Variants in EPHA7 observed in about 807,000 individuals in gnomAD.
The protein encoded by EPHA7 is ephrin type-A receptor 7.
EPHA7 carries 25 observed loss-of-function variants against 112.6 expected under a neutral mutation model. That is an observed-to-expected ratio of 0.22 (90% CI 0.16 to 0.31). The LOEUF (loss-of-function observed/expected upper bound fraction) is 0.31. Among genes scored for constraint, EPHA7 ranks in the 10% least tolerant of loss-of-function variants. The pLI, the probability that EPHA7 is intolerant of heterozygous loss-of-function variation, is 1.00. For missense variants in EPHA7, 962 were observed against 1,212.6 expected, an observed-to-expected ratio of 0.79 and a Z score of 3.07; for synonymous variants, 437 against 406.5, an observed-to-expected ratio of 1.07 and a Z score of -0.90.
At chr6:93,270,493 G>T (rs1321584990) in intron 6 of EPHA7, among the ~76,000 whole-genome samples, 1 of 151,382 alleles carries the variant, frequency 6.6e-6, no homozygotes, top group African/African-American at 2.4e-5. Context: ...AATCTTCCTT[G>T]ATATGATTCT....
At chr6:93,365,272 C>G (rs1425980487) in intron 3 of EPHA7, among the ~76,000 whole-genome samples, 4 of 152,172 alleles carry the variant, frequency 2.6e-5, no homozygotes, top group Non-Finnish European at 4.4e-5. Flanking sequence ...GTAGATTGTT[C>G]TGTAATTGAA....
intron 5 of EPHA7, among the ~76,000 whole-genome samples, chr6:93,347,687 C>G (rs1775470325): frequency 6.6e-6 from 1 of 151,810 alleles, no homozygotes; most frequent in Non-Finnish European, 1.5e-5. Context: ...CAAGGTCCAA[C>G]AGATTTCAGT....
intron 5 of EPHA7, among the ~76,000 whole-genome samples, chr6:93,331,077 C>T (rs1244018128): frequency 6.6e-6 from 1 of 151,262 alleles, no homozygotes; most frequent in Non-Finnish European, 1.5e-5. Flanking sequence ...AAACTAATGG[C>T]TATTTGGAGA....
intron 14 of EPHA7, among the ~76,000 whole-genome samples, chr6:93,250,195 T>A (rs915969439): frequency 6.6e-6 from 1 of 152,100 alleles, no homozygotes; most frequent in African/African-American, 2.4e-5. Flanking sequence ...CTCTTCGACC[T>A]TATAGAGCAG....
At chr6:93,324,188 A>T (rs1460886157) in intron 5 of EPHA7, among the ~76,000 whole-genome samples, 2 of 150,260 alleles carry the variant, frequency 1.3e-5, no homozygotes, top group Non-Finnish European at 1.5e-5. Context: ...AATCTGCATT[A>T]AGTTAGTCCT....
At position 93,242,472 on chromosome 6, in the gene EPHA7, T is replaced by C; in HGVS notation, c.*954A>G. Reference sequence around the variant, plus strand: ...TCCTAATGTCACGAGAATGAAAAAATCTTGATGTGCTCAGATTAATTTTTA... The same window carrying C: ...TCCTAATGTCACGAGAATGAAAAAACCTTGATGTGCTCAGATTAATTTTTA... On this transcript the variant is annotated 3_prime_UTR_variant, in exon 17 of 17. Coordinates refer to ENST00000369303, the MANE Select transcript of EPHA7 (RefSeq NM_004440.4). The C allele has an allele frequency of 5.1e-6, 1 of 197,208 alleles. No individual in the cohort carries two copies. Among genetic ancestry groups the C allele is most frequent in the Non-Finnish European group, 1.1e-5 (1 of 94,892 alleles). 12.2% of individuals were successfully genotyped at this position (197,208 alleles called of 1,614,324 possible).
intron 5 of EPHA7, among the ~76,000 whole-genome samples, chr6:93,311,410 T>G (rs1357683103): frequency 6.6e-6 from 1 of 152,160 alleles, no homozygotes; most frequent in African/African-American, 2.4e-5. Flanking sequence ...AGAGTCTCCA[T>G]GAAGACAATA....
chr6:93,372,097 A>T (rs1486931015), intron 3 of EPHA7, among the ~76,000 whole-genome samples: 2 of 152,184 alleles, frequency 1.3e-5, no homozygotes, highest in African/African-American at 4.8e-5. Context: ...ATCTAAATAA[A>T]CAGAATATCT....
Position 93,287,094 on chromosome 6 carries a change from G to C in EPHA7, c.1325-14672C>G, listed in dbSNP as rs143280014. ...GGCACTTAGTATATGCTAAATAAAC[G>C]AATAATGGTGTGACACTACAAATTA... On this transcript the variant is annotated intron_variant, in intron 5 of 16. Transcript: ENST00000369303. Among the ~76,000 whole-genome samples, 43 of 152,168 alleles carry C rather than the reference G, an allele frequency of 2.8e-4. 2 individuals carry two copies. The highest frequency in any genetic ancestry group is 9.9e-4 in the African/African-American group (41 of 41,516).
chr6:93,336,744 T>C (rs879801709), intron 5 of EPHA7, among the ~76,000 whole-genome samples: 2 of 152,004 alleles, frequency 1.3e-5, no homozygotes, highest in Non-Finnish European at 2.9e-5. Flanking sequence ...TCATCCCCAA[T>C]ACCAGTTCCA....
At chr6:93,392,179 T>C (rs1335456707) in intron 3 of EPHA7, among the ~76,000 whole-genome samples, 4 of 151,930 alleles carry the variant, frequency 2.6e-5, no homozygotes, top group Non-Finnish European at 5.9e-5. Flanking sequence ...TAAACTCCAA[T>C]GTACACGTAA....
At chr6:93,255,221 G>C (rs1046487450) in intron 13 of EPHA7, among the ~76,000 whole-genome samples, 1 of 151,864 alleles carries the variant, frequency 6.6e-6, no homozygotes, top group Non-Finnish European at 1.5e-5. Context: ...GGTGGTGGGC[G>C]CCTGTTATCC....
At chr6:93,257,415 T>G in intron 12 of EPHA7, 47 bp downstream of exon 12, 1 of 1,392,394 alleles carries the variant, frequency 7.2e-7, no homozygotes, top group Non-Finnish European at 9.9e-7. Flanking sequence ...ATTATATTGG[T>G]AGCAAGCATA....
intron 5 of EPHA7, among the ~76,000 whole-genome samples, chr6:93,282,925 C>T (rs1024295535): frequency 1.3e-5 from 2 of 152,186 alleles, no homozygotes; most frequent in East Asian, 1.9e-4. Context: ...AGAGCCTCCC[C>T]GAGGAGCGCT....
At chr6:93,279,680 C>T (rs958307492) in intron 5 of EPHA7, among the ~76,000 whole-genome samples, 1 of 152,172 alleles carries the variant, frequency 6.6e-6, no homozygotes, top group Non-Finnish European at 1.5e-5. Context: ...CTACTCAAAA[C>T]ACAGCTGCAA....
intron 5 of EPHA7, among the ~76,000 whole-genome samples, chr6:93,354,722 G>A (rs538411000): frequency 1.5e-4 from 22 of 150,988 alleles, no homozygotes; most frequent in Non-Finnish European, 2.2e-4. Context: ...TAACAACTGC[G>A]AAATATTTGA....
At chr6:93,394,567 C>CA (rs1778073996) in intron 3 of EPHA7, among the ~76,000 whole-genome samples, 1 of 151,582 alleles carries the variant, frequency 6.6e-6, no homozygotes, top group South Asian at 2.1e-4. Flanking sequence ...AGATACTTGT[C>CA]AAAAAAGAAC....
Position 93,341,276 on chromosome 6 carries a change from C to A in EPHA7, c.1324+15441G>T, listed in dbSNP as rs540453350. Among the ~76,000 whole-genome samples the A allele has an allele frequency of 1.1e-3, 164 of 151,902 alleles. 1 individual carries two copies. Among genetic ancestry groups the A allele is most frequent in the African/African-American group, 3.6e-3 (150 of 41,506 alleles). ...TCAGAGAAGCAAAATATTACATATA[C>A]AGTAATCATAATTTCCAAATATACA... On this transcript the variant is annotated intron_variant, in intron 5 of 16. Coordinates refer to ENST00000369303, the MANE Select transcript of EPHA7 (RefSeq NM_004440.4).
At chr6:93,301,845 G>A (rs1470408911) in intron 5 of EPHA7, among the ~76,000 whole-genome samples, 4 of 152,104 alleles carry the variant, frequency 2.6e-5, no homozygotes, top group African/African-American at 9.7e-5. Flanking sequence ...GTCATTGCTC[G>A]ACATCTGAAT....
Sources: gnomAD v4.1 joint callset for allele counts (sites outside exome capture counted in the v4.1 genomes callset) on GRCh38, gnomAD v4.1.1 for gene constraint, MANE v1.5 for transcripts, NCBI Gene and HGNC (gene_info 2026-07-23, HGNC 2026-07-21) for gene names.